LRRC40: variants seen among roughly 807,000 people sequenced by gnomAD.
LRRC40 encodes the protein leucine-rich repeat-containing protein 40.
In LRRC40, 76 loss-of-function variants were observed where a neutral mutation model predicts 72.8. That is an observed-to-expected ratio of 1.04 (90% confidence interval 0.87 to 1.26). The LOEUF (loss-of-function observed/expected upper bound fraction) is 1.26, where lower values mean the gene tolerates loss of function less well. Among genes scored for constraint, LRRC40 ranks in the 50% most tolerant of loss-of-function variants. The probability of loss-of-function intolerance (pLI) is 0.00; values close to 1 mark genes in which losing one functional copy is unlikely to be tolerated. For synonymous variants in LRRC40, 243 were observed against 254.2 expected (o/e 0.96, Z 0.42); for missense variants, 684 against 698.9 (o/e 0.98, Z 0.24).
chr1:70,171,815 T>A (rs1396419625), intron 9 of LRRC40, among the ~76,000 whole-genome samples: 2 of 152,136 alleles, frequency 1.3e-5, no homozygotes, highest in East Asian at 3.9e-4. Context: ...CATAGAGTTA[T>A]CATATGATCG....
rs676753 is a variant in LRRC40 at position 70,145,525 on chromosome 1, A to T, written c.*275T>A. On this transcript the variant is annotated 3_prime_UTR_variant, in exon 15 of 15. Coordinates refer to ENST00000370952, the MANE Select transcript of LRRC40 (RefSeq NM_017768.5). ...ATGAAAGTTAGCAGGATAAATCATA[A>T]GCAAAACATTTAGAACAAATGTATG... 49,739 of 219,020 alleles carry T rather than the reference A, an allele frequency of 0.23. 6,896 individuals are homozygous for T. Among genetic ancestry groups the T allele is most frequent in the African/African-American group, 0.39 (17,175 of 44,166 alleles). The allele number at this position is 219,020 out of a possible 1,614,324, so 13.6% of individuals were successfully genotyped here.
intron 11 of LRRC40, 73 bp downstream of exon 11, chr1:70,155,616 A>C (rs1667620608): frequency 4.7e-6 from 3 of 640,774 alleles, no homozygotes; most frequent in Non-Finnish European, 2.5e-6. Flanking sequence ...ATATGGAAAA[A>C]CCAATTTAAA....
At chr1:70,174,263 C>G (rs1668056346) in intron 7 of LRRC40, among the ~76,000 whole-genome samples, 1 of 152,036 alleles carries the variant, frequency 6.6e-6, no homozygotes, top group South Asian at 2.1e-4. Flanking sequence ...ATAGCGATAT[C>G]AAGATTCTTG....
chr1:70,168,041 G>A (rs1313486888), intron 9 of LRRC40, among the ~76,000 whole-genome samples: 1 of 152,126 alleles, frequency 6.6e-6, no homozygotes, highest in Non-Finnish European at 1.5e-5. Flanking sequence ...CCTCTTCTAG[G>A]TCAGAGAGGC....
intron 1 of LRRC40, 108 bp from the exon 2 acceptor site, chr1:70,189,381 T>C (rs1313899373): frequency 1.1e-6 from 1 of 884,262 alleles, no homozygotes; most frequent in Non-Finnish European, 1.6e-6. Context: ...CATTTATCTA[T>C]TGAAAAACAT....
At chr1:70,172,586 A>G (rs1396997839) in intron 9 of LRRC40, among the ~76,000 whole-genome samples, 1 of 152,196 alleles carries the variant, frequency 6.6e-6, no homozygotes, top group Non-Finnish European at 1.5e-5. Context: ...CATGACCTCT[A>G]ACTGATTCAT....
chr1:70,161,630 G>T (rs918549041), intron 9 of LRRC40, among the ~76,000 whole-genome samples: 2 of 151,872 alleles, frequency 1.3e-5, no homozygotes, highest in African/African-American at 4.8e-5. Context: ...GGGTGATTTA[G>T]TTGAACGAGT....
chr1:70,205,228 A>C lies in LRRC40; in HGVS notation c.151+162T>G, dbSNP rs866813670. Among the ~76,000 whole-genome samples the C allele has an allele frequency of 1.4e-4, 22 of 152,352 alleles. No homozygotes were observed. Among genetic ancestry groups the C allele is most frequent in the Middle Eastern group, 6.8e-3 (2 of 294 alleles). On this transcript the variant is annotated intron_variant, in intron 1 of 14. Transcript: ENST00000370952. Reference sequence around the variant, plus strand: ...ACCTGGGAAGGAACTGAACTGGGCTAACCAAACCGGTCGAAATGAGCACAG... The same window carrying C: ...ACCTGGGAAGGAACTGAACTGGGCTCACCAAACCGGTCGAAATGAGCACAG...
chr1:70,199,634 G>T (rs1271234012), intron 1 of LRRC40, among the ~76,000 whole-genome samples: 20 of 152,074 alleles, frequency 1.3e-4, no homozygotes, highest in Admixed American at 1.3e-3. Flanking sequence ...TCTTCCTTAT[G>T]ATTTTCTTAA....
intron 11 of LRRC40, 148 bp downstream of exon 11, chr1:70,155,541 T>G (rs1171701698): frequency 5.1e-6 from 2 of 389,584 alleles, no homozygotes; most frequent in African/African-American, 4.1e-5. Context: ...TAATGACATT[T>G]TGCTAAATCC....
intron 10 of LRRC40, among the ~76,000 whole-genome samples, chr1:70,156,339 T>C (rs543536183): frequency 2.7e-4 from 41 of 152,214 alleles, no homozygotes; most frequent in African/African-American, 9.1e-4. Flanking sequence ...CTCTCTCCTT[T>C]AGTATGTGAC....
In LRRC40 at chr1:70,199,255, T is replaced by C. The variant is rs537823047; in HGVS notation, c.151+6135A>G. Among the ~76,000 whole-genome samples the C allele has an allele frequency of 6.5e-5, 7 of 108,526 alleles. No homozygotes were observed. The South Asian group carries it at 1.5e-3, about 23-fold the overall frequency. The allele number at this position is 108,526 out of a possible 152,430, so 71.2% of individuals were successfully genotyped here. A position where few individuals can be genotyped will look rare whatever the true frequency, so the allele number is the denominator to read the frequency against. ...CACACACACACACACACACACACAG[T>C]ATTAGAAGAAAAACCTCCACAACAT... On this transcript the variant is annotated intron_variant, in intron 1 of 14. Coordinates refer to ENST00000370952, the MANE Select transcript of LRRC40 (RefSeq NM_017768.5).
At chr1:70,203,501 C>A (rs1391973566) in intron 1 of LRRC40, among the ~76,000 whole-genome samples, 1 of 151,952 alleles carries the variant, frequency 6.6e-6, no homozygotes, top group Non-Finnish European at 1.5e-5. Context: ...AACTCCTGGA[C>A]TCAAGTGATC....
chr1:70,151,275 A>C, intron 12 of LRRC40, 70 bp from the exon 13 acceptor site: 2 of 733,010 alleles, frequency 2.7e-6, no homozygotes, highest in Non-Finnish European at 4.8e-6. Flanking sequence ...TATAATTAAA[A>C]TATTGAGCAG....
chr1:70,186,344 C>G (rs891039215), intron 3 of LRRC40, among the ~76,000 whole-genome samples: 1 of 152,202 alleles, frequency 6.6e-6, no homozygotes, highest in Non-Finnish European at 1.5e-5. Context: ...CTTGTCTTTA[C>G]AGGCCACGTC....
At chr1:70,157,416 A>C (rs1196145813) in intron 10 of LRRC40, among the ~76,000 whole-genome samples, 1 of 152,256 alleles carries the variant, frequency 6.6e-6, no homozygotes, top group Non-Finnish European at 1.5e-5. Context: ...TAAAGTCTTT[A>C]AGAAAAACAA....
chr1:70,156,184 G>A (rs1667632042), intron 10 of LRRC40, among the ~76,000 whole-genome samples: 1 of 151,974 alleles, frequency 6.6e-6, no homozygotes, highest in African/African-American at 2.4e-5. Flanking sequence ...TCTATAAGAG[G>A]AGTTTTCTGT....
At chr1:70,184,638 T>C (rs1158147592) in intron 4 of LRRC40, 147 bp downstream of exon 4, 8 of 736,464 alleles carry the variant, frequency 1.1e-5, no homozygotes, top group African/African-American at 1.8e-5. Context: ...AATTTAGCTA[T>C]CTTATTGAAA....
At chr1:70,150,469 A>C (rs1233771981) in intron 13 of LRRC40, among the ~76,000 whole-genome samples, 3 of 152,194 alleles carry the variant, frequency 2.0e-5, no homozygotes, top group Non-Finnish European at 4.4e-5. Flanking sequence ...TAAAGTACTT[A>C]GTACAGCACC....
Sources: gnomAD v4.1 joint callset for allele counts (sites outside exome capture counted in the v4.1 genomes callset) on GRCh38, gnomAD v4.1.1 for gene constraint, MANE v1.5 for transcripts, NCBI Gene and HGNC (gene_info 2026-07-23, HGNC 2026-07-21) for gene names.